Variants in OPCML observed in about 807,000 individuals in gnomAD.
OPCML encodes opioid binding protein/cell adhesion molecule like.
A neutral mutation model predicts 37.8 loss-of-function variants in OPCML; 13 were observed. The observed-to-expected ratio is 0.34, with a 90% CI of 0.22 to 0.55. OPCML has a LOEUF of 0.55. OPCML is among the 20% of genes least tolerant of loss of function. The probability of loss-of-function intolerance (pLI) is 0.91; values close to 1 mark genes in which losing one functional copy is unlikely to be tolerated. For synonymous variants in OPCML, 176 were observed against 168.8 expected, an observed-to-expected ratio of 1.04 and a Z score of -0.33; for missense variants, 341 against 435.6, an observed-to-expected ratio of 0.78 and a Z score of 1.93.
chr11:133,431,588 C>T (rs1180733971), intron 1 of OPCML, among the ~76,000 whole-genome samples: 2 of 151,922 alleles, frequency 1.3e-5, no homozygotes, highest in African/African-American at 2.4e-5. Flanking sequence ...CCATCAGCCT[C>T]CTGAGTAGCT....
At chr11:132,947,432 G>A (rs1945768786) in intron 1 of OPCML, among the ~76,000 whole-genome samples, 1 of 152,202 alleles carries the variant, frequency 6.6e-6, no homozygotes, top group African/African-American at 2.4e-5. Flanking sequence ...ATTTCCTTCT[G>A]TAACAGCATT....
chr11:132,878,664 T>C (rs952315738), intron 2 of OPCML, among the ~76,000 whole-genome samples: 2 of 152,202 alleles, frequency 1.3e-5, no homozygotes, highest in East Asian at 1.9e-4. Flanking sequence ...TATGTAGAGA[T>C]ACATATATAA....
At chr11:133,529,367 A>C (rs1176526540) in intron 1 of OPCML, among the ~76,000 whole-genome samples, 1 of 152,136 alleles carries the variant, frequency 6.6e-6, no homozygotes, top group African/African-American at 2.4e-5. Flanking sequence ...AGCCCAGACT[A>C]TCTCTCTCCT....
chr11:133,011,343 G>C lies in OPCML; in HGVS notation c.62-68333C>G, dbSNP rs562227352. Among the ~76,000 whole-genome samples the C allele has an allele frequency of 8.5e-5, 13 of 152,312 alleles. 1 individual carries two copies. In the South Asian group the frequency reaches 2.3e-3, roughly 27 times the overall value. The stretch of plus-strand genomic sequence containing the variant: ...CAGAATAGTGAGGGCCAGTGTGAGA[G>C]AAGTGAGCCCCATGATCCCTGGTTA... On this transcript the variant is annotated intron_variant, in intron 1 of 7. Transcript: ENST00000524381.
chr11:132,454,397 C>T (rs182580373), intron 4 of OPCML, among the ~76,000 whole-genome samples: 3 of 152,264 alleles, frequency 2.0e-5, no homozygotes, highest in African/African-American at 4.8e-5. Context: ...GGGTGAGGAC[C>T]GATGCTCAGT....
intron 3 of OPCML, among the ~76,000 whole-genome samples, chr11:132,583,480 T>C (rs907651291): frequency 1.3e-5 from 2 of 152,144 alleles, no homozygotes; most frequent in African/African-American, 4.8e-5. Context: ...TTATTTTTTT[T>C]ATGAAATTGT....
At chr11:133,219,855 T>C (rs1939742669) in intron 1 of OPCML, among the ~76,000 whole-genome samples, 1 of 152,172 alleles carries the variant, frequency 6.6e-6, no homozygotes, top group Non-Finnish European at 1.5e-5. Context: ...GCTAATATCC[T>C]ATAATGCACA....
chr11:133,249,972 C>T (rs1025294516), intron 1 of OPCML, among the ~76,000 whole-genome samples: 6 of 152,212 alleles, frequency 3.9e-5, no homozygotes, highest in Non-Finnish European at 7.3e-5. Flanking sequence ...TCTCCATGAG[C>T]TTGGGAAATT....
intron 4 of OPCML, among the ~76,000 whole-genome samples, chr11:132,489,365 C>A (rs1001831718): frequency 2.0e-5 from 3 of 152,076 alleles, no homozygotes; most frequent in Non-Finnish European, 4.4e-5. Flanking sequence ...TTACAGTTAC[C>A]TTTTAAAAAA....
chr11:133,001,614 T>C (rs914756038), intron 1 of OPCML, among the ~76,000 whole-genome samples: 2 of 152,210 alleles, frequency 1.3e-5, no homozygotes. Context: ...TCATGTCACA[T>C]ATTCAGAGGG....
At chr11:133,413,247 A>G (rs1416591628) in intron 1 of OPCML, among the ~76,000 whole-genome samples, 1 of 150,798 alleles carries the variant, frequency 6.6e-6, no homozygotes, top group Non-Finnish European at 1.5e-5. Context: ...TAAAATTAGC[A>G]TATTCTCACT....
intron 1 of OPCML, among the ~76,000 whole-genome samples, chr11:132,955,156 A>G (rs1320905688): frequency 1.3e-5 from 2 of 152,104 alleles, no homozygotes; most frequent in Non-Finnish European, 2.9e-5. Flanking sequence ...CTGGACGGAG[A>G]TGGGGATCTG....
At chr11:133,293,653 C>T (rs1482635113) in intron 1 of OPCML, among the ~76,000 whole-genome samples, 1 of 152,134 alleles carries the variant, frequency 6.6e-6, no homozygotes, top group African/African-American at 2.4e-5. Context: ...CCTTCAGCAT[C>T]TCAGTCAAGT....
At chr11:133,148,084 T>C (rs2137183026) in intron 1 of OPCML, among the ~76,000 whole-genome samples, 1 of 152,272 alleles carries the variant, frequency 6.6e-6, no homozygotes, top group East Asian at 1.9e-4. Context: ...TGCCCCCAAA[T>C]AGCTGCCTTT....
intron 1 of OPCML, among the ~76,000 whole-genome samples, chr11:133,119,613 G>T (rs1348564289): frequency 2.6e-5 from 4 of 152,138 alleles, no homozygotes; most frequent in Non-Finnish European, 4.4e-5. Context: ...AGTGCAAACA[G>T]CATAGGGCAT....
intron 1 of OPCML, among the ~76,000 whole-genome samples, chr11:133,016,203 C>T (rs1239161847): frequency 8.5e-5 from 13 of 152,290 alleles, no homozygotes; most frequent in South Asian, 2.1e-4. Flanking sequence ...CCCGTGGGCT[C>T]GGCTAGGTTC....
chr11:132,937,157 T>C (rs565305122), intron 2 of OPCML, among the ~76,000 whole-genome samples: 2 of 152,214 alleles, frequency 1.3e-5, no homozygotes, highest in Non-Finnish European at 2.9e-5. Flanking sequence ...TCCCCTCCAC[T>C]GCATCTTGCT....
intron 1 of OPCML, among the ~76,000 whole-genome samples, chr11:133,327,030 G>A (rs62637824): frequency 0.022 from 3,123 of 142,298 alleles, 53 homozygotes; most frequent in Middle Eastern, 0.036. Context: ...GTGTATGTGG[G>A]TGTGGGTGCG....
intron 1 of OPCML, among the ~76,000 whole-genome samples, chr11:133,321,181 A>G (rs557346158): frequency 8.8e-4 from 134 of 152,136 alleles, no homozygotes; most frequent in African/African-American, 3.1e-3. Context: ...AAAAAACAAA[A>G]CCCATAATGT....
Sources: allele counts gnomAD v4.1 joint callset (sites outside exome capture counted in the v4.1 genomes callset), GRCh38; gene constraint gnomAD v4.1.1; transcripts MANE v1.5; gene names NCBI Gene and HGNC (gene_info 2026-07-23, HGNC 2026-07-21).